CALN1: variants seen among roughly 807,000 people sequenced by gnomAD.
CALN1 encodes calneuron 1, also known as calcium-binding protein 8.
Under a neutral mutation model 30.6 loss-of-function variants are expected in CALN1, and 17 were observed. The observed-to-expected ratio is 0.56, with a 90% CI of 0.38 to 0.83. The LOEUF is 0.83. CALN1 is among the 40% of genes least tolerant of loss of function. CALN1 has a pLI of 0.00. For synonymous variants in CALN1, 156 were observed against 131.4 expected, an observed-to-expected ratio of 1.19 and a Z score of -1.28; for missense variants, 291 against 354.9, an observed-to-expected ratio of 0.82 and a Z score of 1.45.
chr7:72,001,669 T>C (rs917141257), intron 5 of CALN1, among the ~76,000 whole-genome samples: 2 of 152,242 alleles, frequency 1.3e-5, no homozygotes, highest in African/African-American at 4.8e-5. Context: ...GTTCTAAAGC[T>C]GTTTAATAAA....
At chr7:72,323,886 A>G (rs548242222) in intron 2 of CALN1, among the ~76,000 whole-genome samples, 2 of 151,922 alleles carry the variant, frequency 1.3e-5, no homozygotes, top group Admixed American at 1.3e-4. Flanking sequence ...TGTACAAAAA[A>G]CACAAAAATT....
At chr7:72,327,983 T>C (rs1400203057) in intron 2 of CALN1, among the ~76,000 whole-genome samples, 1 of 152,216 alleles carries the variant, frequency 6.6e-6, no homozygotes, top group Non-Finnish European at 1.5e-5. Flanking sequence ...TTTAGATGTA[T>C]GTATTTGAAA....
At chr7:72,459,226 G>A in the CALN1 span, among the ~76,000 whole-genome samples, 1 of 152,112 alleles carries the variant, frequency 6.6e-6, no homozygotes, top group East Asian at 1.9e-4. Context: ...ATTAACATGC[G>A]AAGTGAGCTT....
intron 2 of CALN1, among the ~76,000 whole-genome samples, chr7:72,365,870 GC>G (rs1195597326): frequency 6.6e-6 from 1 of 152,106 alleles, no homozygotes; most frequent in Non-Finnish European, 1.5e-5. Context: ...GTACCCTCTC[GC>G]CCAGTTGGTT....
intron 3 of CALN1, among the ~76,000 whole-genome samples, chr7:72,227,094 C>T (rs1350270159): frequency 2.6e-5 from 4 of 151,916 alleles, no homozygotes; most frequent in South Asian, 2.1e-4. Flanking sequence ...CAGGGATGGA[C>T]GGCAAGGGTT....
At chr7:72,458,068 C>A in the CALN1 span, among the ~76,000 whole-genome samples, 1 of 146,666 alleles carries the variant, frequency 6.8e-6, no homozygotes, top group Non-Finnish European at 1.5e-5. Flanking sequence ...CCTTCCTATT[C>A]TTAGTGCCTG....
At chr7:71,815,260 T>C (rs895049604) in intron 5 of CALN1, among the ~76,000 whole-genome samples, 1 of 152,182 alleles carries the variant, frequency 6.6e-6, no homozygotes, top group Non-Finnish European at 1.5e-5. Context: ...GTGCCCCTCA[T>C]CTTTGCTTTG....
intron 5 of CALN1, among the ~76,000 whole-genome samples, chr7:71,998,163 A>C (rs564911041): frequency 6.6e-6 from 1 of 152,244 alleles, no homozygotes; most frequent in East Asian, 1.9e-4. Flanking sequence ...TATTCTCTAG[A>C]AATGAGGGGA....
intron 4 of CALN1, among the ~76,000 whole-genome samples, chr7:72,092,281 T>C (rs1452819517): frequency 2.6e-5 from 4 of 152,194 alleles, no homozygotes; most frequent in Non-Finnish European, 5.9e-5. Flanking sequence ...TCGTTTATTG[T>C]ATTGTAGTCA....
At chr7:71,963,792 A>C (rs921978175) in intron 5 of CALN1, among the ~76,000 whole-genome samples, 4 of 152,248 alleles carry the variant, frequency 2.6e-5, no homozygotes, top group African/African-American at 9.6e-5. Context: ...ACATTAACTC[A>C]TCAAATCTGG....
At position 72,201,235 on chromosome 7, in the gene CALN1, C is replaced by A. The variant is rs551638629; in HGVS notation, c.244+77451G>T. On this transcript the variant is annotated intron_variant, in intron 3 of 6. Transcript: ENST00000395275. ...GTAAGAACTAAATATTAGGTACTCA[C>A]AGACACAAAGATGGGAACAAGAGAT... 2.6e-4 allele frequency among the ~76,000 whole-genome samples: 40 copies of A among 152,244 alleles called. 1 individual carries two copies. The South Asian group carries it at 8.3e-3, about 32-fold the overall frequency.
intron 4 of CALN1, among the ~76,000 whole-genome samples, chr7:72,091,673 A>G (rs986693545): frequency 6.6e-5 from 10 of 152,238 alleles, no homozygotes; most frequent in Non-Finnish European, 1.2e-4. Flanking sequence ...TATAGAGACC[A>G]AGCCAGTCCA....
intron 2 of CALN1, among the ~76,000 whole-genome samples, chr7:72,399,149 G>C (rs1278542936): frequency 6.6e-6 from 1 of 152,096 alleles, no homozygotes. Context: ...GGACAATCTA[G>C]GATCTTCTGC....
Position 71,784,580 on chromosome 7 carries a change from C to T in CALN1, c.*3195G>A. On this transcript the variant is annotated 3_prime_UTR_variant, in exon 7 of 7. Transcript: ENST00000395275. ...TTTGGGGATCAAGGGGGTCAGGGTC[C>T]ATTTCCCCTTCTCTCCCAAGGAAAA... is the stretch of plus-strand genomic sequence containing the variant. The T allele has an allele frequency of 2.7e-6, 1 of 372,702 alleles. No individual in the cohort carries two copies. The highest frequency in any genetic ancestry group is 3.8e-5 in the East Asian group (1 of 26,034). The allele number at this position is 372,702 out of a possible 1,614,324, so 23.1% of individuals were successfully genotyped here.
chr7:72,002,223 A>G (rs1370626726), intron 5 of CALN1, among the ~76,000 whole-genome samples: 2 of 152,202 alleles, frequency 1.3e-5, no homozygotes, highest in Admixed American at 6.5e-5. Context: ...TAAATTGCAA[A>G]TATGGTTAAG....
chr7:72,271,573 A>ATATATATATATATAT lies in CALN1; in HGVS notation c.244+7112_244+7113insATATATATATATATA, dbSNP rs1554345799. ...CACTGTGCCTGCCTTTTAAAAAAAAAAAATATATATATATATATATAGTTT... is the reference window on the plus strand; with the variant it reads ...CACTGTGCCTGCCTTTTAAAAAAAAATATATATATATATATAAATATATATATATATATATAGTTT... On this transcript the variant is annotated intron_variant, in intron 3 of 6. Coordinates refer to ENST00000395275, the MANE Select transcript of CALN1 (RefSeq NM_031468.4). Among the ~76,000 whole-genome samples the ATATATATATATATAT allele has an allele frequency of 1.3e-4, 3 of 23,500 alleles. No individual in the cohort carries two copies. In the African/African-American group the frequency reaches 1.3e-3, roughly 11 times the overall value. The allele number at this position is 23,500 out of a possible 152,430, so 15.4% of individuals were successfully genotyped here.
At chr7:71,790,389 A>AAAAG (rs1793297763) in intron 6 of CALN1, among the ~76,000 whole-genome samples, 1 of 117,582 alleles carries the variant, frequency 8.5e-6, no homozygotes, top group Non-Finnish European at 1.8e-5. Flanking sequence ...AGAAAGAAAG[A>AAAAG]AAGAAAGAAA....
intron 4 of CALN1, among the ~76,000 whole-genome samples, chr7:72,082,874 A>G (rs564944105): frequency 6.6e-6 from 1 of 152,306 alleles, no homozygotes; most frequent in African/African-American, 2.4e-5. Flanking sequence ...TCTTACATGC[A>G]GTATCTGGCA....
At chr7:72,352,081 C>A (rs1439143234) in intron 2 of CALN1, among the ~76,000 whole-genome samples, 5 of 152,094 alleles carry the variant, frequency 3.3e-5, no homozygotes, top group Non-Finnish European at 5.9e-5. Flanking sequence ...GCAGGAGAAT[C>A]ATTTGAACCC....
Sources: allele counts gnomAD v4.1 joint callset (sites outside exome capture counted in the v4.1 genomes callset), GRCh38; gene constraint gnomAD v4.1.1; transcripts MANE v1.5; gene names NCBI Gene and HGNC (gene_info 2026-07-23, HGNC 2026-07-21).